TJP2: variants seen among roughly 807,000 people sequenced by gnomAD.
The protein encoded by TJP2 is Friedreich ataxia region gene X104 (tight junction protein ZO-2).
TJP2 carries 91 observed loss-of-function variants against 133.1 expected under a neutral mutation model. That is an observed-to-expected ratio of 0.68 (90% CI 0.58 to 0.81). The LOEUF is 0.81. TJP2 is among the 40% of genes least tolerant of loss of function. The probability of loss-of-function intolerance (pLI) is 0.00; values close to 1 mark genes in which losing one functional copy is unlikely to be tolerated. For synonymous variants in TJP2, 592 were observed against 583.4 expected (o/e 1.01, Z -0.21); for missense variants, 1,541 against 1,565.6 (o/e 0.98, Z 0.26).
intron 1 of TJP2, among the ~76,000 whole-genome samples, chr9:69,197,403 C>T (rs928004184): frequency 6.6e-6 from 1 of 152,166 alleles, no homozygotes. Context: ...GCTGTTTCCA[C>T]TTGTTTGCTA....
At chr9:69,221,565 T>C in intron 5 of TJP2, 69 bp downstream of exon 5, 1 of 1,545,056 alleles carries the variant, frequency 6.5e-7, no homozygotes, top group Non-Finnish European at 8.8e-7. Flanking sequence ...CTTAATTTTT[T>C]TTTTTCCCCC....
At chr9:69,139,515 G>T (rs563565498) in intron 1 of TJP2, among the ~76,000 whole-genome samples, 5 of 152,272 alleles carry the variant, frequency 3.3e-5, no homozygotes, top group South Asian at 4.1e-4. Flanking sequence ...AGAGTGGCCT[G>T]GAGCAGCTCC....
At position 69,174,307 on chromosome 9, in the gene TJP2, T is replaced by C. The variant is rs1280181757; in HGVS notation, c.-66T>C. The C allele has an allele frequency of 2.6e-6, 4 of 1,547,930 alleles. No homozygotes were observed. Among genetic ancestry groups the C allele is most frequent in the South Asian group, 1.2e-5 (1 of 83,874 alleles). ...ACTGTCCGGTGGTGCCCAGGAGGAG[T>C]AGGAGCAGGAGCAGAAGCAGAAGCG... On this transcript the variant is annotated 5_prime_UTR_variant, in exon 1 of 23. Coordinates refer to ENST00000377245, the MANE Select transcript of TJP2 (RefSeq NM_004817.4).
In TJP2 at chr9:69,254,502, T is replaced by C; in HGVS notation, c.*128T>C. The C allele has an allele frequency of 8.0e-7, 1 of 1,247,528 alleles. No homozygotes were observed. Among genetic ancestry groups the C allele is most frequent in the Non-Finnish European group, 1.1e-6 (1 of 876,784 alleles). The allele number at this position is 1,247,528 out of a possible 1,614,324, so 77.3% of individuals were successfully genotyped here. A position where few individuals can be genotyped will look rare whatever the true frequency, so the allele number is the denominator to read the frequency against. ...AGACGTGGTGGGACTCCAGCTCGTG[T>C]GTCCTCATGGAGAACCCAGGGGACA... On this transcript the variant is annotated 3_prime_UTR_variant, in exon 23 of 23. Transcript: ENST00000377245.
chr9:69,211,416 A>G (rs543698322), intron 1 of TJP2, among the ~76,000 whole-genome samples: 9 of 152,326 alleles, frequency 5.9e-5, no homozygotes, highest in African/African-American at 1.9e-4. Flanking sequence ...TGGTATTTCA[A>G]ATATTTAAAG....
intron 1 of TJP2, among the ~76,000 whole-genome samples, chr9:69,190,403 C>T (rs893629994): frequency 2.0e-5 from 3 of 152,168 alleles, no homozygotes; most frequent in East Asian, 1.9e-4. Flanking sequence ...GGAAACTGAA[C>T]GAGTTCAGAT....
At chr9:69,228,887 T>C (rs1212298879) in intron 9 of TJP2, among the ~76,000 whole-genome samples, 3 of 152,188 alleles carry the variant, frequency 2.0e-5, no homozygotes, top group African/African-American at 7.2e-5. Context: ...TTCATAAATA[T>C]TTAAGGGGAA....
rs1823260854 is a variant in TJP2, at chr9:69,147,434, T to C, written c.-130-4217T>C. Among the ~76,000 whole-genome samples the C allele has an allele frequency of 2.0e-5, 3 of 152,182 alleles. No individual in the cohort carries two copies. The South Asian group carries it at 6.2e-4, about 32-fold the overall frequency. On this transcript the variant is annotated intron_variant, in intron 1 of 5. Transcript: ENST00000423935. ...TTGGGGAGATGCAAGCCGTGGCCTA[T>C]ATATTTACCATTCCTGAATTCTAGT...
intron 1 of TJP2, among the ~76,000 whole-genome samples, chr9:69,142,957 CAT>C (rs1823072300): frequency 6.6e-6 from 1 of 152,126 alleles, no homozygotes; most frequent in Admixed American, 6.6e-5. Flanking sequence ...TATGAAGTGT[CAT>C]ATCTGGAAGG....
At chr9:69,150,849 G>A (rs1157709958) in intron 1 of TJP2, among the ~76,000 whole-genome samples, 1 of 152,116 alleles carries the variant, frequency 6.6e-6, no homozygotes, top group Non-Finnish European at 1.5e-5. Context: ...CCAAAGAGTA[G>A]AAACAACCCA....
chr9:69,239,356 G>A (rs1447942023), intron 16 of TJP2, among the ~76,000 whole-genome samples: 1 of 151,776 alleles, frequency 6.6e-6, no homozygotes. Flanking sequence ...TTCACTGTGT[G>A]GAAACCAGTC....
chr9:69,251,049 C>T lies in TJP2; in HGVS notation c.3006C>T (p.Asn1002=), dbSNP rs149445624. 44 of 1,614,048 alleles carry T rather than the reference C, an allele frequency of 2.7e-5. No homozygotes were observed. Among genetic ancestry groups the T allele is most frequent in the Non-Finnish European group, 3.7e-5 (44 of 1,180,032 alleles). The change falls in exon 21 of 23, where the codon AAC becomes AAT. Residue 1002 remains asparagine, a synonymous_variant. Coordinates refer to ENST00000377245, the MANE Select transcript of TJP2 (RefSeq NM_004817.4). ...KPEPPKAKTQ[N]KEESYDFSKS... ...GCTCTCCGCAGGCCAAAACCCAGAACAAAGAAGAATCCTATGACTTCTCCA... is the reference window on the plus strand; with the variant it reads ...GCTCTCCGCAGGCCAAAACCCAGAATAAAGAAGAATCCTATGACTTCTCCA...
upstream of TJP2, among the ~76,000 whole-genome samples, chr9:69,172,043 C>T (rs1226250210): frequency 6.6e-6 from 1 of 152,126 alleles, no homozygotes; most frequent in African/African-American, 2.4e-5. Flanking sequence ...GATCTGTCCG[C>T]CTCGACCTCC....
At chr9:69,225,242 C>G (rs1398310684) in intron 5 of TJP2, 62 bp from the exon 6 acceptor site, 27 of 1,100,060 alleles carry the variant, frequency 2.5e-5, no homozygotes, top group Middle Eastern at 2.0e-4. Flanking sequence ...GTCCTATAAA[C>G]CAGACTAAGT....
rs775378471 is a variant in TJP2, at chr9:69,221,424, A to T, written c.880A>T (p.Ser294Cys). The T allele has an allele frequency of 6.3e-7, 1 of 1,587,224 alleles. No homozygotes were observed. The highest frequency in any genetic ancestry group is 2.3e-5 in the East Asian group (1 of 43,634). The change falls in exon 5 of 23, where the codon AGC (serine) becomes TGC (cysteine). Residue 294 changes from serine to cysteine, a missense_variant. Coordinates refer to ENST00000377245, the MANE Select transcript of TJP2 (RefSeq NM_004817.4). Reference sequence around the variant, plus strand: ...CAGCCGCGAGCACCCGCACTCACGGAGCCCCAGCCCCGAGCCTAGGGGGCG... The same window carrying T: ...CAGCCGCGAGCACCCGCACTCACGGTGCCCCAGCCCCGAGCCTAGGGGGCG... ...SRSREHPHSR[S>C]PSPEPRGRPG... is the part of the protein sequence containing the mutation.
At chr9:69,234,961 G>T (rs1204039534) in intron 12 of TJP2, among the ~76,000 whole-genome samples, 1 of 152,210 alleles carries the variant, frequency 6.6e-6, no homozygotes, top group East Asian at 1.9e-4. Context: ...TGGGTGTTGA[G>T]AGTGTCCTCC....
intron 1 of TJP2, among the ~76,000 whole-genome samples, chr9:69,178,557 A>C (rs1366418726): frequency 6.6e-6 from 1 of 152,200 alleles, no homozygotes; most frequent in Non-Finnish European, 1.5e-5. Flanking sequence ...CCACGCCTTC[A>C]AGAAAGTCAA....
intron 17 of TJP2, among the ~76,000 whole-genome samples, chr9:69,240,558 A>G (rs1392112370): frequency 6.6e-6 from 1 of 152,226 alleles, no homozygotes; most frequent in African/African-American, 2.4e-5. Flanking sequence ...CCTGTCCAGC[A>G]TGGTGGATAA....
At chr9:69,207,036 A>G (rs1208555771) in intron 1 of TJP2, among the ~76,000 whole-genome samples, 1 of 151,988 alleles carries the variant, frequency 6.6e-6, no homozygotes, top group Non-Finnish European at 1.5e-5. Flanking sequence ...TGTACCTCCC[A>G]CCATACTCTG....
Sources: gnomAD v4.1 joint callset for allele counts (sites outside exome capture counted in the v4.1 genomes callset) on GRCh38, gnomAD v4.1.1 for gene constraint, MANE v1.5 for transcripts, NCBI Gene and HGNC (gene_info 2026-07-23, HGNC 2026-07-21) for gene names.